NFIL3: variants seen among roughly 807,000 people sequenced by gnomAD.
NFIL3 encodes the protein nuclear factor interleukin-3-regulated protein.
In NFIL3, 5 loss-of-function variants were observed where a neutral mutation model predicts 10.0. The observed-to-expected ratio is 0.50, with a 90% confidence interval of 0.26 to 1.06. NFIL3 has a LOEUF of 1.06. Among genes scored for constraint, NFIL3 ranks in the 50% least tolerant of loss-of-function variants. The pLI, the probability that NFIL3 is intolerant of heterozygous loss-of-function variation, is 0.13. For synonymous variants in NFIL3, 202 were observed against 206.5 expected, an observed-to-expected ratio of 0.98 and a Z score of 0.19; for missense variants, 436 against 547.6, an observed-to-expected ratio of 0.80 and a Z score of 2.03.
At chr9:91,464,100 T>A in the NFIL3 span, among the ~76,000 whole-genome samples, 3 of 152,058 alleles carry the variant, frequency 2.0e-5, no homozygotes, top group African/African-American at 7.2e-5. Context: ...TCACCAAAAA[T>A]TTCTGTCTTT....
At chr9:91,429,294 G>A in the NFIL3 span, among the ~76,000 whole-genome samples, 54 of 152,260 alleles carry the variant, frequency 3.5e-4, 1 homozygote, top group African/African-American at 1.3e-3. Context: ...CTCTCTGAAT[G>A]TCCATTCCTT....
At chr9:91,441,109 T>A in the NFIL3 span, among the ~76,000 whole-genome samples, 3 of 152,166 alleles carry the variant, frequency 2.0e-5, no homozygotes, top group Non-Finnish European at 2.9e-5. Flanking sequence ...GGTATCAAAA[T>A]GGTCTACTAT....
the NFIL3 span, among the ~76,000 whole-genome samples, chr9:91,434,953 T>C: frequency 3.9e-5 from 6 of 152,200 alleles, no homozygotes; most frequent in Non-Finnish European, 5.9e-5. Flanking sequence ...GAGGTCAGCA[T>C]GAACATGCCC....
the NFIL3 span, among the ~76,000 whole-genome samples, chr9:91,464,072 T>C: frequency 6.6e-6 from 1 of 152,074 alleles, no homozygotes; most frequent in Admixed American, 6.6e-5. Flanking sequence ...CAACATATAG[T>C]TTTCTTTTTA....
chr9:91,438,243 G>T, the NFIL3 span, among the ~76,000 whole-genome samples: 1 of 152,026 alleles, frequency 6.6e-6, no homozygotes, highest in Non-Finnish European at 1.5e-5. Context: ...ATTTTGACTC[G>T]TGTTTCCTGA....
At chr9:91,443,105 CAG>C in the NFIL3 span, among the ~76,000 whole-genome samples, 6 of 152,152 alleles carry the variant, frequency 3.9e-5, no homozygotes, top group South Asian at 2.1e-4. Context: ...ATCTAGCTCT[CAG>C]TAGAGAGGAG....
At chr9:91,413,127 T>C (rs914927949) in intron 1 of NFIL3, among the ~76,000 whole-genome samples, 13 of 152,328 alleles carry the variant, frequency 8.5e-5, no homozygotes, top group African/African-American at 2.6e-4. Context: ...TGATTATTAA[T>C]ATCAAGTTTC....
chr9:91,478,586 C>T, the NFIL3 span, among the ~76,000 whole-genome samples: 1 of 151,992 alleles, frequency 6.6e-6, no homozygotes, highest in South Asian at 2.1e-4. Context: ...TGGGTTAGAA[C>T]ATGCTCCTTT....
chr9:91,455,353 T>C, the NFIL3 span, among the ~76,000 whole-genome samples: 3 of 152,230 alleles, frequency 2.0e-5, no homozygotes, highest in African/African-American at 7.2e-5. Flanking sequence ...TTATTACTTG[T>C]AGTTATTCTG....
the NFIL3 span, among the ~76,000 whole-genome samples, chr9:91,474,598 G>A: frequency 3.9e-5 from 6 of 152,168 alleles, no homozygotes; most frequent in African/African-American, 7.2e-5. Flanking sequence ...GTGAGGGCAG[G>A]AGTGATGGCT....
the NFIL3 span, among the ~76,000 whole-genome samples, chr9:91,446,705 T>C: frequency 1.3e-5 from 2 of 152,218 alleles, no homozygotes; most frequent in Admixed American, 6.5e-5. Flanking sequence ...AGTGGAATCA[T>C]ACAATATACG....
At chr9:91,477,099 G>A in the NFIL3 span, among the ~76,000 whole-genome samples, 357 of 152,190 alleles carry the variant, frequency 2.3e-3, no homozygotes, top group Non-Finnish European at 4.0e-3. Context: ...GAGTCTGGCC[G>A]GGCTGCACTG....
chr9:91,420,230 TA>T (rs1167396053), intron 1 of NFIL3, among the ~76,000 whole-genome samples: 1 of 151,950 alleles, frequency 6.6e-6, no homozygotes, highest in Non-Finnish European at 1.5e-5. Flanking sequence ...GATGGCAAAT[TA>T]AAAAATATAT....
chr9:91,468,433 G>A, the NFIL3 span, among the ~76,000 whole-genome samples: 9 of 152,084 alleles, frequency 5.9e-5, no homozygotes. Flanking sequence ...AATTCTGGAT[G>A]TTAGCCCTTT....
chr9:91,419,505 T>G (rs945205397), intron 1 of NFIL3, among the ~76,000 whole-genome samples: 6 of 152,370 alleles, frequency 3.9e-5, no homozygotes, highest in African/African-American at 1.4e-4. Flanking sequence ...AAAATAAGTC[T>G]TTAACCCAGA....
chr9:91,424,834 G>T (rs1412971514), upstream of NFIL3, among the ~76,000 whole-genome samples: 1 of 152,236 alleles, frequency 6.6e-6, no homozygotes, highest in Non-Finnish European at 1.5e-5. Context: ...GTGATTTTGA[G>T]CTGATAGCTG....
the NFIL3 span, among the ~76,000 whole-genome samples, chr9:91,479,203 C>G: frequency 6.6e-6 from 1 of 152,330 alleles, no homozygotes; most frequent in African/African-American, 2.4e-5. Context: ...CTCTTCAGAG[C>G]CAGCAGGCAA....
At chr9:91,420,352 T>TACACAC (rs144270881) in intron 1 of NFIL3, among the ~76,000 whole-genome samples, 4,626 of 144,422 alleles carry the variant, frequency 0.032, 81 homozygotes, top group East Asian at 0.066. Flanking sequence ...TGAAGGTAAA[T>TACACAC]ACACACACAC....
chr9:91,416,252 A>C (rs1044234085), intron 1 of NFIL3, among the ~76,000 whole-genome samples: 4 of 151,980 alleles, frequency 2.6e-5, no homozygotes, highest in Non-Finnish European at 4.4e-5. Context: ...TTTGCAGATT[A>C]ATCAGCTAGA....
Sources: allele counts gnomAD v4.1 joint callset (sites outside exome capture counted in the v4.1 genomes callset), GRCh38; gene constraint gnomAD v4.1.1; transcripts MANE v1.5; gene names NCBI Gene and HGNC (gene_info 2026-07-23, HGNC 2026-07-21).